CCBE1: variants seen among roughly 807,000 people sequenced by gnomAD.
CCBE1 encodes the protein collagen and calcium-binding EGF domain-containing protein 1.
Under a neutral mutation model 50.0 loss-of-function variants are expected in CCBE1, and 37 were observed. The observed-to-expected ratio is 0.74, with a 90% CI of 0.57 to 0.97. CCBE1 has a LOEUF of 0.97. CCBE1 is among the 50% of genes least tolerant of loss of function. CCBE1 has a pLI of 0.00. For missense variants in CCBE1, 538 were observed against 523.8 expected (o/e 1.03, Z -0.26); for synonymous variants, 234 against 203.7 (o/e 1.15, Z -1.27).
At chr18:59,451,860 G>T (rs182548477) in intron 6 of CCBE1, among the ~76,000 whole-genome samples, 4 of 152,008 alleles carry the variant, frequency 2.6e-5, no homozygotes, top group Non-Finnish European at 5.9e-5. Flanking sequence ...CAATCCAACA[G>T]AACTTTGCCA....
chr18:59,616,202 T>C (rs1307512848), intron 2 of CCBE1, among the ~76,000 whole-genome samples: 1 of 152,004 alleles, frequency 6.6e-6, no homozygotes, highest in East Asian at 1.9e-4. Context: ...TGTGGGGTCA[T>C]AGTGGGCAGA....
At chr18:59,675,688 G>C (rs1292887239) in intron 2 of CCBE1, among the ~76,000 whole-genome samples, 1 of 152,174 alleles carries the variant, frequency 6.6e-6, no homozygotes, top group African/African-American at 2.4e-5. Flanking sequence ...GAGCAGAGAA[G>C]GTTGGCCCAG....
At chr18:59,619,426 G>A (rs1307049471) in intron 2 of CCBE1, among the ~76,000 whole-genome samples, 1 of 152,116 alleles carries the variant, frequency 6.6e-6, no homozygotes, top group East Asian at 1.9e-4. Flanking sequence ...TTAAGCAGTT[G>A]TCCTGCCTCA....
intron 4 of CCBE1, among the ~76,000 whole-genome samples, chr18:59,468,851 T>TTTC (rs1555680742): frequency 1.3e-5 from 2 of 149,316 alleles, no homozygotes; most frequent in South Asian, 2.1e-4. Context: ...TTTTTTTTTT[T>TTTC]CCCCAAACGA....
chr18:59,497,342 A>G (rs1913401611), intron 2 of CCBE1, among the ~76,000 whole-genome samples: 2 of 152,226 alleles, frequency 1.3e-5, no homozygotes, highest in South Asian at 4.1e-4. Flanking sequence ...AACTCATGGT[A>G]TCACTGAGCA....
chr18:59,599,291 A>G (rs1397546527), intron 2 of CCBE1, among the ~76,000 whole-genome samples: 1 of 152,200 alleles, frequency 6.6e-6, no homozygotes, highest in Non-Finnish European at 1.5e-5. Context: ...ACCATGCTGG[A>G]TACCGTTAAT....
intron 2 of CCBE1, among the ~76,000 whole-genome samples, chr18:59,666,803 A>G (rs1240967713): frequency 6.6e-6 from 1 of 152,054 alleles, no homozygotes; most frequent in African/African-American, 2.4e-5. Flanking sequence ...CATCTCTACT[A>G]AAAACACAAA....
intron 2 of CCBE1, among the ~76,000 whole-genome samples, chr18:59,658,476 A>G (rs1245102407): frequency 1.5e-5 from 2 of 133,880 alleles, no homozygotes; most frequent in African/African-American, 5.5e-5. Context: ...GCTGAGGCAG[A>G]CAGATTGCTC....
intron 2 of CCBE1, among the ~76,000 whole-genome samples, chr18:59,601,018 T>G (rs953947879): frequency 4.1e-5 from 2 of 49,306 alleles, no homozygotes; most frequent in African/African-American, 2.5e-4. Flanking sequence ...CAGTTTTTTT[T>G]TTTTTTTTTT....
chr18:59,456,452 A>G (rs1911198882), intron 5 of CCBE1, among the ~76,000 whole-genome samples: 1 of 152,228 alleles, frequency 6.6e-6, no homozygotes, highest in South Asian at 2.1e-4. Context: ...CACAGGAAGA[A>G]TGCTATGTGA....
chr18:59,525,562 CAT>C (rs992162291), intron 2 of CCBE1, among the ~76,000 whole-genome samples: 3 of 152,272 alleles, frequency 2.0e-5, no homozygotes, highest in East Asian at 1.9e-4. Context: ...TTTATTCACT[CAT>C]AGTTTTGCTG....
At chr18:59,448,154 C>G in intron 6 of CCBE1, 51 bp from the exon 7 acceptor site, 3 of 1,610,624 alleles carry the variant, frequency 1.9e-6, no homozygotes, top group Non-Finnish European at 2.5e-6. Flanking sequence ...AGAAGAGAGC[C>G]TCGGCATTTG....
At chr18:59,659,016 C>G (rs901510171) in intron 2 of CCBE1, among the ~76,000 whole-genome samples, 2 of 151,664 alleles carry the variant, frequency 1.3e-5, no homozygotes, top group African/African-American at 4.8e-5. Context: ...CCATTTCCAT[C>G]AGCACCACAT....
chr18:59,552,842 C>T (rs762552897), intron 2 of CCBE1, among the ~76,000 whole-genome samples: 1 of 152,102 alleles, frequency 6.6e-6, no homozygotes, highest in African/African-American at 2.4e-5. Context: ...ATGAATGTTT[C>T]GATTTGGTTA....
chr18:59,477,459 C>A (rs1912362066), intron 3 of CCBE1, among the ~76,000 whole-genome samples: 1 of 151,936 alleles, frequency 6.6e-6, no homozygotes, highest in Non-Finnish European at 1.5e-5. Flanking sequence ...TCAGCTATGA[C>A]CACGGGACAA....
chr18:59,542,582 C>A (rs906899307), intron 2 of CCBE1, among the ~76,000 whole-genome samples: 1 of 152,110 alleles, frequency 6.6e-6, no homozygotes. Context: ...TCTATTGCAC[C>A]ATATGCATCT....
chr18:59,692,819 G>A (rs1033643287), intron 2 of CCBE1, among the ~76,000 whole-genome samples: 3 of 152,104 alleles, frequency 2.0e-5, no homozygotes, highest in African/African-American at 7.2e-5. Context: ...ATGAATACCG[G>A]CAGGGCAGAG....
At chr18:59,693,864 CTTTT>C (rs11410421) in intron 2 of CCBE1, among the ~76,000 whole-genome samples, 7 of 70,764 alleles carry the variant, frequency 9.9e-5, no homozygotes, top group African/African-American at 3.7e-4. Flanking sequence ...AAAGGAAAGC[CTTTT>C]TTTTTTTTTT....
chr18:59,491,411 G>A (rs1411658732), intron 2 of CCBE1, among the ~76,000 whole-genome samples: 2 of 151,990 alleles, frequency 1.3e-5, no homozygotes, highest in Non-Finnish European at 2.9e-5. Flanking sequence ...GCAAATGTGG[G>A]CATTTTAATT....
Sources: allele counts gnomAD v4.1 joint callset (sites outside exome capture counted in the v4.1 genomes callset), GRCh38; gene constraint gnomAD v4.1.1; transcripts MANE v1.5; gene names NCBI Gene and HGNC (gene_info 2026-07-23, HGNC 2026-07-21).